Variants in IGF2BP3 observed in about 807,000 individuals in gnomAD.
IGF2BP3 encodes insulin-like growth factor 2 mRNA-binding protein 3.
Under a neutral mutation model 73.8 loss-of-function variants are expected in IGF2BP3, and 9 were observed. The ratio of observed to expected loss-of-function variants is 0.12; its 90% confidence interval spans 0.07 to 0.21. IGF2BP3 has a LOEUF of 0.21. Among genes scored for constraint, IGF2BP3 ranks in the 10% least tolerant of loss-of-function variants. IGF2BP3 has a pLI of 1.00. For missense variants in IGF2BP3, 542 were observed against 714.0 expected, an observed-to-expected ratio of 0.76 and a Z score of 2.75; for synonymous variants, 258 against 256.7, an observed-to-expected ratio of 1.01 and a Z score of -0.05.
At position 23,312,987 on chromosome 7, in the gene IGF2BP3, A is replaced by G. The variant is rs996513145; in HGVS notation, c.1528-139T>C. Reference sequence around the variant, plus strand: ...CCAGTGGTAATTCCATGAGGTTATTAGAATTATCCCCACTTCAAGATGATT... The same window carrying G: ...CCAGTGGTAATTCCATGAGGTTATTGGAATTATCCCCACTTCAAGATGATT... On this transcript the variant is annotated intron_variant, in intron 13 of 14. Coordinates refer to ENST00000258729, the MANE Select transcript of IGF2BP3 (RefSeq NM_006547.3). 9.9e-6 allele frequency: 6 copies of G among 607,828 alleles called. No homozygotes were observed. The African/African-American group carries it at 1.1e-4, about 11-fold the overall frequency. The allele number at this position is 607,828 out of a possible 1,614,324, so 37.7% of individuals were successfully genotyped here.
intron 3 of IGF2BP3, among the ~76,000 whole-genome samples, chr7:23,396,104 A>G (rs1786452652): frequency 6.7e-6 from 1 of 149,484 alleles, no homozygotes; most frequent in African/African-American, 2.5e-5. Flanking sequence ...CAACCAATAC[A>G]CTTTCAGTGA....
intron 2 of IGF2BP3, among the ~76,000 whole-genome samples, chr7:23,463,786 A>T (rs1335470104): frequency 1.3e-5 from 2 of 152,196 alleles, no homozygotes; most frequent in Non-Finnish European, 2.9e-5. Flanking sequence ...TCTTATTAAA[A>T]CCAAAGTAAG....
intron 2 of IGF2BP3, among the ~76,000 whole-genome samples, chr7:23,456,997 C>A (rs1274350629): frequency 6.6e-6 from 1 of 151,474 alleles, no homozygotes; most frequent in East Asian, 2.0e-4. Context: ...TGCAGTGAGC[C>A]AAAATCGCGC....
chr7:23,335,866 G>T (rs1332779193), intron 10 of IGF2BP3, among the ~76,000 whole-genome samples: 1 of 152,200 alleles, frequency 6.6e-6, no homozygotes, highest in African/African-American at 2.4e-5. Flanking sequence ...GAGCATTTCT[G>T]AAAGGCGCGT....
chr7:23,450,860 G>T (rs1199255234), intron 2 of IGF2BP3: 1 of 152,164 alleles, frequency 6.6e-6, no homozygotes, highest in Non-Finnish European at 1.5e-5. Flanking sequence ...GCACAACATA[G>T]TGAGATCCTG....
intron 3 of IGF2BP3, among the ~76,000 whole-genome samples, chr7:23,382,528 G>T (rs1172458338): frequency 1.3e-5 from 2 of 152,000 alleles, no homozygotes; most frequent in African/African-American, 4.8e-5. Flanking sequence ...CATCTGTCAG[G>T]ATTTTAATCA....
chr7:23,367,617 T>C (rs1338420171), intron 3 of IGF2BP3, among the ~76,000 whole-genome samples: 1 of 152,034 alleles, frequency 6.6e-6, no homozygotes, highest in Non-Finnish European at 1.5e-5. Context: ...AAATGCAAAG[T>C]AAAGCCTCAT....
chr7:23,337,162 C>A (rs1016612129), intron 10 of IGF2BP3, among the ~76,000 whole-genome samples: 1 of 151,826 alleles, frequency 6.6e-6, no homozygotes, highest in Non-Finnish European at 1.5e-5. Context: ...CTTGCAACCA[C>A]CCCCCACCCC....
chr7:23,352,902 CT>C (rs1785002602), intron 5 of IGF2BP3, among the ~76,000 whole-genome samples: 1 of 151,750 alleles, frequency 6.6e-6, no homozygotes. Context: ...TTGTTGTGTT[CT>C]GTTTTCTGGG....
chr7:23,461,628 A>G (rs1205858368), intron 2 of IGF2BP3, among the ~76,000 whole-genome samples: 13 of 152,210 alleles, frequency 8.5e-5, no homozygotes. Flanking sequence ...CCTTACAGCT[A>G]TACAGAGAAT....
chr7:23,377,764 C>T (rs1352217509), intron 3 of IGF2BP3, among the ~76,000 whole-genome samples: 1 of 152,142 alleles, frequency 6.6e-6, no homozygotes, highest in Admixed American at 6.5e-5. Flanking sequence ...ATAATTATTA[C>T]CCAGCCATAA....
intron 2 of IGF2BP3, among the ~76,000 whole-genome samples, chr7:23,451,615 C>T (rs1342373429): frequency 1.3e-5 from 2 of 151,864 alleles, no homozygotes; most frequent in Non-Finnish European, 2.9e-5. Flanking sequence ...CAAAACAGAC[C>T]TCTATCATTC....
At chr7:23,438,457 A>G (rs1787855193) in intron 2 of IGF2BP3, among the ~76,000 whole-genome samples, 1 of 152,210 alleles carries the variant, frequency 6.6e-6, no homozygotes, top group Non-Finnish European at 1.5e-5. Context: ...TCAAGGTCAC[A>G]TCAACATAGA....
At chr7:23,404,278 G>A (rs75087153) in intron 3 of IGF2BP3, among the ~76,000 whole-genome samples, 1 of 152,138 alleles carries the variant, frequency 6.6e-6, no homozygotes, top group Non-Finnish European at 1.5e-5. Context: ...ATGAGAGTAG[G>A]CATAAAAATG....
intron 2 of IGF2BP3, among the ~76,000 whole-genome samples, chr7:23,438,807 A>C (rs1787863750): frequency 6.6e-6 from 1 of 151,442 alleles, no homozygotes; most frequent in Non-Finnish European, 1.5e-5. Flanking sequence ...TTCTCAGAAA[A>C]GATGACAGAT....
At chr7:23,375,982 T>C (rs537851052) in intron 3 of IGF2BP3, among the ~76,000 whole-genome samples, 6 of 152,232 alleles carry the variant, frequency 3.9e-5, no homozygotes, top group Non-Finnish European at 5.9e-5. Context: ...ACTTATGCTA[T>C]AGAATTGAAT....
At chr7:23,462,271 C>T (rs1206038430) in intron 2 of IGF2BP3, among the ~76,000 whole-genome samples, 2 of 152,196 alleles carry the variant, frequency 1.3e-5, no homozygotes, top group African/African-American at 4.8e-5. Flanking sequence ...AATCAGCTCC[C>T]TCAACAACTA....
intron 3 of IGF2BP3, among the ~76,000 whole-genome samples, chr7:23,369,244 C>T (rs947421132): frequency 2.6e-5 from 4 of 151,978 alleles, no homozygotes; most frequent in Admixed American, 1.3e-4. Context: ...GTGCCTGGAC[C>T]GAGACAGGAC....
chr7:23,359,795 G>A (rs1169381778), intron 5 of IGF2BP3, among the ~76,000 whole-genome samples: 4 of 151,946 alleles, frequency 2.6e-5, no homozygotes, highest in African/African-American at 4.8e-5. Context: ...TTTATCCCCA[G>A]TTCTACTGAG....
Sources: allele counts gnomAD v4.1 joint callset (sites outside exome capture counted in the v4.1 genomes callset), GRCh38; gene constraint gnomAD v4.1.1; transcripts MANE v1.5; gene names NCBI Gene and HGNC (gene_info 2026-07-23, HGNC 2026-07-21).